GALNT13: variants seen among roughly 807,000 people sequenced by gnomAD.
The protein encoded by GALNT13 is UDP-GalNAc:polypeptide N-acetylgalactosaminyltransferase 13.
A neutral mutation model predicts 64.2 loss-of-function variants in GALNT13; 28 were observed. The ratio of observed to expected loss-of-function variants is 0.44; its 90% CI spans 0.32 to 0.60. GALNT13 has a LOEUF of 0.60. Among genes scored for constraint, GALNT13 ranks in the 20% least tolerant of loss-of-function variants. GALNT13 has a pLI of 0.05. For synonymous variants in GALNT13, 214 were observed against 224.6 expected, an observed-to-expected ratio of 0.95 and a Z score of 0.42; for missense variants, 577 against 669.8, an observed-to-expected ratio of 0.86 and a Z score of 1.53.
chr2:153,121,505 C>T, the GALNT13 span, among the ~76,000 whole-genome samples: 10 of 152,200 alleles, frequency 6.6e-5, no homozygotes, highest in African/African-American at 2.4e-4. Context: ...TGTTTTTCAT[C>T]TCTCAATGTA....
At chr2:154,422,051 G>T (rs1215236290) in intron 11 of GALNT13, among the ~76,000 whole-genome samples, 1 of 152,112 alleles carries the variant, frequency 6.6e-6, no homozygotes, top group Non-Finnish European at 1.5e-5. Context: ...CAAGGACACT[G>T]CCACAAATGG....
chr2:153,627,504 G>A, the GALNT13 span, among the ~76,000 whole-genome samples: 23 of 152,002 alleles, frequency 1.5e-4, no homozygotes, highest in African/African-American at 5.3e-4. Flanking sequence ...TATTATTGTA[G>A]TAAACAAGTG....
At chr2:153,812,325 G>C in the GALNT13 span, among the ~76,000 whole-genome samples, 157 of 152,214 alleles carry the variant, frequency 1.0e-3, no homozygotes, top group African/African-American at 3.5e-3. Context: ...TGCAAGAAAA[G>C]GCAAAATTAT....
Position 154,295,348 on chromosome 2 carries a change from TTTTA to T in GALNT13, c.976-6033_976-6030del, listed in dbSNP as rs10530260. On this transcript the variant is annotated intron_variant, in intron 8 of 12. Transcript: ENST00000392825. ...TTCTCGTTATTGAAAATTCTTTTTA[TTTTA>T]TTTATTTATTTATTTATTTATTTAT... 3.7e-4 allele frequency among the ~76,000 whole-genome samples: 52 copies of T among 142,256 alleles called. 1 individual carries two copies. Among genetic ancestry groups the T allele is most frequent in the South Asian group, 1.1e-3 (5 of 4,376 alleles). 93.3% of individuals were successfully genotyped at this position (142,256 alleles called of 152,430 possible).
At chr2:153,780,426 A>T in the GALNT13 span, among the ~76,000 whole-genome samples, 1 of 151,882 alleles carries the variant, frequency 6.6e-6, no homozygotes, top group African/African-American at 2.4e-5. Flanking sequence ...GTCCTTGCTT[A>T]TGTCTAATCT....
chr2:153,128,140 A>G, the GALNT13 span, among the ~76,000 whole-genome samples: 1 of 152,186 alleles, frequency 6.6e-6, no homozygotes, highest in Non-Finnish European at 1.5e-5. Flanking sequence ...GTTCTTTGTC[A>G]TATTGTCTCT....
intron 3 of GALNT13, among the ~76,000 whole-genome samples, chr2:154,101,589 C>T (rs967199539): frequency 1.2e-4 from 18 of 151,918 alleles, no homozygotes; most frequent in Admixed American, 1.3e-4. Context: ...TTTGCTTATC[C>T]TTTCAAAAAT....
intron 3 of GALNT13, among the ~76,000 whole-genome samples, chr2:153,971,009 T>C (rs763800098): frequency 1.3e-5 from 2 of 152,220 alleles, no homozygotes; most frequent in Admixed American, 6.5e-5. Flanking sequence ...TGGAGTCACA[T>C]TGACTTTAGG....
chr2:154,190,516 G>A (rs1686518392), intron 4 of GALNT13, among the ~76,000 whole-genome samples: 1 of 152,100 alleles, frequency 6.6e-6, no homozygotes, highest in South Asian at 2.1e-4. Flanking sequence ...ATTGACATTC[G>A]GTTTAAACAA....
chr2:153,716,143 G>C, the GALNT13 span, among the ~76,000 whole-genome samples: 1 of 152,134 alleles, frequency 6.6e-6, no homozygotes, highest in African/African-American at 2.4e-5. Flanking sequence ...GCCTATCACT[G>C]TAAAGTAAAA....
At chr2:153,456,925 C>T in the GALNT13 span, among the ~76,000 whole-genome samples, 2 of 152,226 alleles carry the variant, frequency 1.3e-5, no homozygotes, top group Admixed American at 6.5e-5. Flanking sequence ...AGTTGTAAGG[C>T]ATCAAACAGG....
chr2:154,178,204 A>T (rs1447455531), intron 4 of GALNT13, among the ~76,000 whole-genome samples: 1 of 152,174 alleles, frequency 6.6e-6, no homozygotes, highest in African/African-American at 2.4e-5. Flanking sequence ...TCACACAAGT[A>T]CACTGGCTGG....
the GALNT13 span, among the ~76,000 whole-genome samples, chr2:153,241,816 TTG>T: frequency 1.3e-5 from 2 of 151,914 alleles, no homozygotes; most frequent in Non-Finnish European, 2.9e-5. Context: ...TAGAAAGAAT[TTG>T]TCTTTCTGTA....
chr2:153,299,514 A>G, the GALNT13 span, among the ~76,000 whole-genome samples: 9 of 152,254 alleles, frequency 5.9e-5, no homozygotes, highest in Non-Finnish European at 1.0e-4. Context: ...CTTCACAGCC[A>G]AGGCTATCTG....
chr2:153,932,768 C>T (rs1281478384), intron 2 of GALNT13, among the ~76,000 whole-genome samples: 1 of 151,708 alleles, frequency 6.6e-6, no homozygotes, highest in Non-Finnish European at 1.5e-5. Flanking sequence ...GCTGGGATTA[C>T]AGGGGCCTGC....
intron 11 of GALNT13, among the ~76,000 whole-genome samples, chr2:154,415,904 A>C (rs1325085207): frequency 6.6e-6 from 1 of 152,156 alleles, no homozygotes; most frequent in Non-Finnish European, 1.5e-5. Flanking sequence ...ATTAAAACTT[A>C]CCAGGGATTT....
At chr2:153,453,347 A>T in the GALNT13 span, among the ~76,000 whole-genome samples, 1 of 152,214 alleles carries the variant, frequency 6.6e-6, no homozygotes, top group Non-Finnish European at 1.5e-5. Context: ...ACAGAATGGG[A>T]GAAAATATTT....
chr2:153,430,902 A>G, the GALNT13 span, among the ~76,000 whole-genome samples: 2 of 152,102 alleles, frequency 1.3e-5, no homozygotes, highest in Admixed American at 6.6e-5. Flanking sequence ...CTGTAATTCC[A>G]GCACTTTGGG....
chr2:153,734,780 G>A, the GALNT13 span, among the ~76,000 whole-genome samples: 3 of 152,054 alleles, frequency 2.0e-5, no homozygotes, highest in South Asian at 2.1e-4. Context: ...TTCTGATTAC[G>A]CTGACATTTT....
Sources: allele counts gnomAD v4.1 joint callset (sites outside exome capture counted in the v4.1 genomes callset), GRCh38; gene constraint gnomAD v4.1.1; transcripts MANE v1.5; gene names NCBI Gene and HGNC (gene_info 2026-07-23, HGNC 2026-07-21).